Variants in TMEM232 observed in about 807,000 individuals in gnomAD.
TMEM232 encodes transmembrane protein 232.
Under a neutral mutation model 78.8 loss-of-function variants are expected in TMEM232, and 80 were observed. That is an observed-to-expected ratio of 1.01 (90% CI 0.85 to 1.22). The LOEUF is 1.22. Ranked by LOEUF, TMEM232 falls within the 50% of genes most tolerant of loss-of-function variation. TMEM232 has a pLI of 0.00. For missense variants in TMEM232, 881 were observed against 742.2 expected (o/e 1.19, Z -2.17); for synonymous variants, 297 against 254.3 (o/e 1.17, Z -1.60).
chr5:110,608,485 G>A (rs544464633), intron 8 of TMEM232, among the ~76,000 whole-genome samples: 1 of 151,672 alleles, frequency 6.6e-6, no homozygotes, highest in East Asian at 2.0e-4. Context: ...CATAGAGTTC[G>A]TAAAACTTCT....
intron 12 of TMEM232, among the ~76,000 whole-genome samples, chr5:110,463,464 G>C (rs1257871262): frequency 6.6e-6 from 1 of 152,158 alleles, no homozygotes; most frequent in East Asian, 1.9e-4. Flanking sequence ...TATTGCAGTA[G>C]TCTAGAATCC....
chr5:110,568,296 A>C, intron 11 of TMEM232, 151 bp downstream of exon 11: 1 of 782,766 alleles, frequency 1.3e-6, no homozygotes, highest in Non-Finnish European at 1.9e-6. Flanking sequence ...TTAATCAAAA[A>C]TAGATCAGTG....
chr5:110,652,340 C>T (rs1561456755), intron 2 of TMEM232, among the ~76,000 whole-genome samples: 1 of 127,838 alleles, frequency 7.8e-6, no homozygotes, highest in Non-Finnish European at 1.7e-5. Flanking sequence ...GTTTCAAATA[C>T]AAATTAAAAT....
intron 1 of TMEM232, among the ~76,000 whole-genome samples, chr5:110,698,737 T>C (rs1795095573): frequency 6.6e-6 from 1 of 152,034 alleles, no homozygotes; most frequent in Non-Finnish European, 1.5e-5. Flanking sequence ...AAGTTCTCCC[T>C]AGGGTTATCC....
intron 12 of TMEM232, among the ~76,000 whole-genome samples, chr5:110,488,990 G>A (rs1764748118): frequency 6.6e-6 from 1 of 151,662 alleles, no homozygotes; most frequent in Admixed American, 6.6e-5. Flanking sequence ...CCAAAAACTA[G>A]AGAAAATGAC....
At chr5:110,657,644 T>C (rs1789263688) in intron 2 of TMEM232, among the ~76,000 whole-genome samples, 1 of 152,068 alleles carries the variant, frequency 6.6e-6, no homozygotes, top group Non-Finnish European at 1.5e-5. Context: ...GGGTACAAAG[T>C]TACAGTTAAG....
intron 12 of TMEM232, among the ~76,000 whole-genome samples, chr5:110,429,719 C>T (rs890099636): frequency 6.6e-6 from 1 of 151,688 alleles, no homozygotes; most frequent in African/African-American, 2.4e-5. Context: ...ATGTCTTCCC[C>T]CCTTATCCCA....
chr5:110,430,827 G>A (rs1220175597), intron 12 of TMEM232, among the ~76,000 whole-genome samples: 1 of 151,746 alleles, frequency 6.6e-6, no homozygotes, highest in Non-Finnish European at 1.5e-5. Context: ...TGCTATGAGA[G>A]CCAAAGATTA....
At chr5:110,585,883 C>G (rs1391629349) in intron 10 of TMEM232, among the ~76,000 whole-genome samples, 1 of 152,084 alleles carries the variant, frequency 6.6e-6, no homozygotes, top group Non-Finnish European at 1.5e-5. Flanking sequence ...ACAAAAAAGG[C>G]AAAAGCATAC....
intron 1 of TMEM232, among the ~76,000 whole-genome samples, chr5:110,697,508 G>C (rs983807558): frequency 9.2e-5 from 14 of 152,104 alleles, no homozygotes; most frequent in African/African-American, 3.4e-4. Flanking sequence ...AGAGTGAACA[G>C]GCAACCTACA....
intron 10 of TMEM232, among the ~76,000 whole-genome samples, chr5:110,574,314 A>G (rs1038974387): frequency 8.5e-5 from 13 of 152,098 alleles, no homozygotes; most frequent in African/African-American, 2.9e-4. Context: ...GCAGGAAGAC[A>G]TTTAACTCTT....
rs374788620 is a variant in TMEM232, at chr5:110,673,220, G to A, written c.-12-5856C>T. ...TTGCAAGGACAAAAAACCAAACACC[G>A]CATGTTCTCACTCACAGGTGGGAAC... On this transcript the variant is annotated intron_variant, in intron 1 of 13. Coordinates refer to ENST00000455884, the MANE Select transcript of TMEM232 (RefSeq NM_001039763.4). 5.0e-4 allele frequency among the ~76,000 whole-genome samples: 75 copies of A among 151,386 alleles called. 3 individuals are homozygous for A. Among genetic ancestry groups the A allele is most frequent in the Middle Eastern group, 6.8e-3 (2 of 294 alleles).
At chr5:110,668,774 C>T (rs1047656163) in intron 1 of TMEM232, among the ~76,000 whole-genome samples, 1 of 152,168 alleles carries the variant, frequency 6.6e-6, no homozygotes, top group East Asian at 1.9e-4. Flanking sequence ...TTATAACAAA[C>T]TGTCTCGCAG....
At chr5:110,418,579 CTCCTT>C (rs1756362259), downstream of TMEM232, among the ~76,000 whole-genome samples, 1 of 151,906 alleles carries the variant, frequency 6.6e-6, no homozygotes, top group Non-Finnish European at 1.5e-5. Context: ...ATTTTTTTAG[CTCCTT>C]TCCAAGTCAC....
chr5:110,484,150 G>A (rs1257696241), intron 12 of TMEM232, among the ~76,000 whole-genome samples: 3 of 151,964 alleles, frequency 2.0e-5, no homozygotes, highest in African/African-American at 7.2e-5. Context: ...AATAGATACT[G>A]GAGATTACTG....
At chr5:110,579,882 A>T (rs1314288398) in intron 10 of TMEM232, among the ~76,000 whole-genome samples, 2 of 150,522 alleles carry the variant, frequency 1.3e-5, no homozygotes, top group South Asian at 2.1e-4. Flanking sequence ...CTAAGTGTAT[A>T]AAAAAATAGG....
chr5:110,641,543 A>T (rs1266314970), intron 3 of TMEM232, among the ~76,000 whole-genome samples: 1 of 152,172 alleles, frequency 6.6e-6, no homozygotes, highest in Non-Finnish European at 1.5e-5. Context: ...ACCTGTCTGC[A>T]TACACACTTA....
chr5:110,509,002 A>ATATATGTATATATGTG (rs1265729103), intron 12 of TMEM232, among the ~76,000 whole-genome samples: 4 of 130,124 alleles, frequency 3.1e-5, no homozygotes, highest in African/African-American at 1.1e-4. Context: ...ATATATGTAT[A>ATATATGTATATATGTG]TATATATGTA....
At chr5:110,630,965 T>C (rs1035217343) in intron 5 of TMEM232, among the ~76,000 whole-genome samples, 6 of 152,078 alleles carry the variant, frequency 3.9e-5, no homozygotes, top group African/African-American at 1.2e-4. Context: ...ACAGAACTTA[T>C]GCTGGTTCAC....
Sources: gnomAD v4.1 joint callset for allele counts (sites outside exome capture counted in the v4.1 genomes callset) on GRCh38, gnomAD v4.1.1 for gene constraint, MANE v1.5 for transcripts, NCBI Gene and HGNC (gene_info 2026-07-23, HGNC 2026-07-21) for gene names.